Variants in SOS2 observed in about 807,000 individuals in gnomAD.
SOS2 encodes the protein SOS Ras/Rho guanine nucleotide exchange factor 2.
A neutral mutation model predicts 148.2 loss-of-function variants in SOS2; 65 were observed. The observed-to-expected ratio is 0.44, with a 90% CI of 0.36 to 0.54. SOS2 has a LOEUF of 0.54. SOS2 is among the 20% of genes least tolerant of loss of function. SOS2 has a pLI of 0.00. For missense variants in SOS2, 1,341 were observed against 1,590.2 expected, an observed-to-expected ratio of 0.84 and a Z score of 2.67; for synonymous variants, 539 against 537.1, an observed-to-expected ratio of 1.00 and a Z score of -0.05.
intron 1 of SOS2, among the ~76,000 whole-genome samples, chr14:50,222,332 A>T (rs1887225385): frequency 6.6e-6 from 1 of 152,204 alleles, no homozygotes; most frequent in Non-Finnish European, 1.5e-5. Context: ...CTAATTTAGG[A>T]GAAAGAATCA....
chr14:50,161,678 AAAAAGCAGCAAC>A, intron 8 of SOS2, 69 bp from the exon 9 acceptor site: 8 of 1,417,542 alleles, frequency 5.6e-6, no homozygotes, highest in Non-Finnish European at 7.8e-6. Context: ...CTAGTAATAG[AAAAAGCAGCAAC>A]AAATATTATC....
chr14:50,177,836 T>C (rs1167541655), intron 7 of SOS2, among the ~76,000 whole-genome samples: 1 of 152,052 alleles, frequency 6.6e-6, no homozygotes, highest in Non-Finnish European at 1.5e-5. Context: ...ATATTTGAAG[T>C]GCGTTTAGGG....
chr14:50,141,598 A>C (rs991584451), intron 16 of SOS2, among the ~76,000 whole-genome samples: 4 of 152,146 alleles, frequency 2.6e-5, no homozygotes, highest in Admixed American at 2.0e-4. Flanking sequence ...AACAAAAAAA[A>C]CCCCACAAAA....
intron 1 of SOS2, among the ~76,000 whole-genome samples, chr14:50,216,335 A>C (rs1051859080): frequency 4.0e-5 from 6 of 151,814 alleles, no homozygotes; most frequent in African/African-American, 1.5e-4. Flanking sequence ...GAGCTCAGGT[A>C]ATCTGCCTGC....
Position 50,118,080 on chromosome 14 carries a change from A to T in SOS2, c.*264T>A. On this transcript the variant is annotated 3_prime_UTR_variant, in exon 23 of 23. Transcript: ENST00000216373. ...TTTAAACCATATTTTTGCAGAGTTT[A>T]CAGTGCAAATATAAATTCTTTATAC... 3 of 385,362 alleles carry T rather than the reference A, an allele frequency of 7.8e-6. No homozygotes were observed. The highest frequency in any genetic ancestry group is 9.3e-6 in the Non-Finnish European group (2 of 215,324). The allele number at this position is 385,362 out of a possible 1,614,324, so 23.9% of individuals were successfully genotyped here. A position where few individuals can be genotyped will look rare whatever the true frequency, so the allele number is the denominator to read the frequency against.
chr14:50,128,870 T>C (rs1361276901), intron 21 of SOS2, among the ~76,000 whole-genome samples: 1 of 152,162 alleles, frequency 6.6e-6, no homozygotes, highest in Non-Finnish European at 1.5e-5. Flanking sequence ...TACTCCTGCC[T>C]CAGCCTCCCA....
chr14:50,152,964 C>CAAA (rs10707547), intron 13 of SOS2, 106 bp downstream of exon 13: 4 of 468,554 alleles, frequency 8.5e-6, no homozygotes, highest in South Asian at 3.1e-5. Context: ...AGCTCTGTTT[C>CAAA]AAAAAAAAAA....
At chr14:50,210,324 A>C (rs1473186767) in intron 1 of SOS2, among the ~76,000 whole-genome samples, 1 of 152,194 alleles carries the variant, frequency 6.6e-6, no homozygotes, top group African/African-American at 2.4e-5. Context: ...GAAGTGTATG[A>C]ATAGTGTTGA....
intron 4 of SOS2, among the ~76,000 whole-genome samples, chr14:50,199,203 T>G (rs1886405844): frequency 6.6e-6 from 1 of 152,048 alleles, no homozygotes; most frequent in South Asian, 2.1e-4. Context: ...TAGAAGAATA[T>G]GGAAGACTCA....
At chr14:50,124,779 C>G (rs190855030) in intron 21 of SOS2, among the ~76,000 whole-genome samples, 2 of 152,264 alleles carry the variant, frequency 1.3e-5, no homozygotes, top group Non-Finnish European at 2.9e-5. Context: ...TACCCATGTT[C>G]ATTGTGAATG....
chr14:50,161,797 T>TC (rs869172672), intron 8 of SOS2, among the ~76,000 whole-genome samples, 188 bp from the exon 9 acceptor site: 2 of 66,514 alleles, frequency 3.0e-5, no homozygotes, highest in South Asian at 7.3e-4. Context: ...TTCTTTTTTT[T>TC]TTTTTTTTTT....
chr14:50,120,521 T>C, intron 21 of SOS2, 137 bp from the exon 22 acceptor site: 1 of 598,984 alleles, frequency 1.7e-6, no homozygotes, highest in Non-Finnish European at 2.9e-6. Flanking sequence ...CCCCATTAAA[T>C]TGTAAGCTTT....
intron 7 of SOS2, among the ~76,000 whole-genome samples, chr14:50,175,617 T>C (rs997170987): frequency 3.9e-5 from 6 of 152,052 alleles, no homozygotes; most frequent in Non-Finnish European, 8.8e-5. Flanking sequence ...TGTGCCTTTA[T>C]ATATCCTGAA....
chr14:50,211,861 A>G (rs1886882234), intron 1 of SOS2, among the ~76,000 whole-genome samples: 1 of 152,200 alleles, frequency 6.6e-6, no homozygotes, highest in Non-Finnish European at 1.5e-5. Context: ...TAGAAGGCTC[A>G]TAAATAACAT....
chr14:50,166,316 G>A (rs996412102), intron 8 of SOS2, among the ~76,000 whole-genome samples: 6 of 152,168 alleles, frequency 3.9e-5, no homozygotes, highest in South Asian at 2.1e-4. Flanking sequence ...TCGATGTCCC[G>A]GGTTCAAGCG....
chr14:50,138,561 T>TG (rs747286744), intron 18 of SOS2, 51 bp downstream of exon 18: 66 of 871,814 alleles, frequency 7.6e-5, no homozygotes, highest in Non-Finnish European at 1.1e-4. Context: ...TTTTTTTTTT[T>TG]GGTACCCATT....
intron 4 of SOS2, among the ~76,000 whole-genome samples, chr14:50,196,793 G>A (rs534427654): frequency 6.6e-6 from 1 of 152,126 alleles, no homozygotes; most frequent in African/African-American, 2.4e-5. Flanking sequence ...AAGGGGAAAA[G>A]AAAATAAAGT....
chr14:50,205,897 G>T (rs1326528191), intron 1 of SOS2, among the ~76,000 whole-genome samples: 1 of 134,370 alleles, frequency 7.4e-6, no homozygotes, highest in African/African-American at 3.0e-5. Context: ...TCCAGCCTGG[G>T]CAACTCCATC....
At chr14:50,220,815 G>A (rs1887180976) in intron 1 of SOS2, among the ~76,000 whole-genome samples, 1 of 152,150 alleles carries the variant, frequency 6.6e-6, no homozygotes, top group Non-Finnish European at 1.5e-5. Flanking sequence ...AAGATTAGCT[G>A]AAGCAAAAAT....
Sources: gnomAD v4.1 joint callset for allele counts (sites outside exome capture counted in the v4.1 genomes callset) on GRCh38, gnomAD v4.1.1 for gene constraint, MANE v1.5 for transcripts, NCBI Gene and HGNC (gene_info 2026-07-23, HGNC 2026-07-21) for gene names.